The following TRPM1 variants were observed in gnomAD, a reference collection of about 807,000 sequenced individuals.
The protein encoded by TRPM1 is transient receptor potential cation channel subfamily M member 1.
Under a neutral mutation model 149.4 loss-of-function variants are expected in TRPM1, and 113 were observed. That is an observed-to-expected ratio of 0.76 (90% CI 0.65 to 0.88). The LOEUF is 0.88. Ranked by LOEUF, TRPM1 falls within the 40% of genes least tolerant of loss-of-function variation. The probability of loss-of-function intolerance (pLI) is 0.00; values close to 1 mark genes in which losing one functional copy is unlikely to be tolerated. For synonymous variants in TRPM1, 741 were observed against 759.5 expected, an observed-to-expected ratio of 0.98 and a Z score of 0.40; for missense variants, 1,976 against 2,038.7, an observed-to-expected ratio of 0.97 and a Z score of 0.59.
Position 31,040,608 on chromosome 15 carries a change from C to T in TRPM1, c.2088-262G>A, listed in dbSNP as rs2033583311. ...CTGTAGGTTGAGACCACATCTGCCCCTCAGACCCCAGGGACATAGAGACGA... is the reference window on the plus strand; with the variant it reads ...CTGTAGGTTGAGACCACATCTGCCCTTCAGACCCCAGGGACATAGAGACGA... On this transcript the variant is annotated intron_variant, in intron 17 of 27. Transcript: ENST00000256552. This position sits in a 1 kb window ranked among gnomAD's most constrained non-coding sequence, Gnocchi z 4.2. Among the ~76,000 whole-genome samples the T allele has an allele frequency of 6.6e-6, 1 of 152,212 alleles. No individual in the cohort carries two copies.
rs1382970214 is a variant in TRPM1, at chr15:31,113,355, C to T, written c.55-36371G>A. Among the ~76,000 whole-genome samples, 6 of 152,096 alleles carry T rather than the reference C, an allele frequency of 3.9e-5. No homozygotes were observed. The East Asian group carries it at 1.2e-3, about 29-fold the overall frequency. On this transcript the variant is annotated intron_variant, in intron 1 of 26. Coordinates refer to the TRPM1 transcript ENST00000542188. ...GGAAAGACTTGGAAAGAGCCAGGGC[C>T]ACCATGGACTGTCACAACCAACGGG...
intron 27 of TRPM1, among the ~76,000 whole-genome samples, chr15:31,005,998 G>A (rs2031974236): frequency 6.6e-6 from 1 of 152,186 alleles, no homozygotes; most frequent in Admixed American, 6.5e-5. Flanking sequence ...AGTGAGATAT[G>A]ATTAATCAGC....
intron 1 of TRPM1, among the ~76,000 whole-genome samples, chr15:31,132,961 G>A (rs2036037000): frequency 6.6e-6 from 1 of 152,186 alleles, no homozygotes; most frequent in Admixed American, 6.5e-5. Flanking sequence ...TCCATTAAAT[G>A]TCTTTCTTTT....
At chr15:31,139,744 T>A (rs1461546874) in intron 1 of TRPM1, among the ~76,000 whole-genome samples, 1 of 152,236 alleles carries the variant, frequency 6.6e-6, no homozygotes, top group African/African-American at 2.4e-5. Context: ...GTGGCAACTG[T>A]CTATCACTTG....
chr15:31,158,334 G>A lies in TRPM1; in HGVS notation c.54+2572C>T, dbSNP rs192410650. On this transcript the variant is annotated intron_variant, in intron 1 of 26. Coordinates refer to the TRPM1 transcript ENST00000542188. ...TGCAAAGTAAAAGCAAGTTTATTAA[G>A]AGAGTAAAGTAGGCTGGGCTCGGTG... 5.3e-5 allele frequency among the ~76,000 whole-genome samples: 8 copies of A among 152,036 alleles called. No individual in the cohort carries two copies. The South Asian group carries it at 1.7e-3, about 32-fold the overall frequency.
At position 31,037,703 on chromosome 15, in the gene TRPM1, G is replaced by A; in HGVS notation, c.2571+8C>T. ...ACTGAATGTCAAATGTTCAGGAGGA[G>A]GCCTCACTGTGTAAAACCAGAACTT... On this transcript the variant is annotated splice_region_variant and intron_variant, in intron 20 of 27. Transcript: ENST00000256552. The A allele has an allele frequency of 5.6e-6, 9 of 1,614,172 alleles. No homozygotes were observed. Among genetic ancestry groups the A allele is most frequent in the Non-Finnish European group, 7.6e-6 (9 of 1,180,038 alleles).
intron 27 of TRPM1, among the ~76,000 whole-genome samples, chr15:31,017,451 T>C (rs1364354853): frequency 6.6e-6 from 1 of 152,218 alleles, no homozygotes; most frequent in African/African-American, 2.4e-5. Context: ...AGTGTTCCCT[T>C]TGAGATGTGC....
chr15:31,063,367 A>G (rs1013327244), intron 7 of TRPM1, 75 bp from the exon 8 acceptor site: 22 of 1,581,586 alleles, frequency 1.4e-5, no homozygotes, highest in Non-Finnish European at 1.9e-5. Context: ...CTCCTGAAGT[A>G]TGGGGAAGAG....
intron 13 of TRPM1, among the ~76,000 whole-genome samples, chr15:31,048,202 G>A (rs1289305840): frequency 6.6e-6 from 1 of 152,152 alleles, no homozygotes; most frequent in Non-Finnish European, 1.5e-5. Context: ...GGCAGCTGCA[G>A]TGAGCTAAGA....
intron 1 of TRPM1, among the ~76,000 whole-genome samples, chr15:31,100,477 A>G (rs1219798302): frequency 6.6e-6 from 1 of 152,188 alleles, no homozygotes; most frequent in East Asian, 1.9e-4. Context: ...AAAAAATCAC[A>G]TGTACCCCCA....
At position 31,003,045 on chromosome 15, in the gene TRPM1, C is replaced by A; in HGVS notation, c.3655G>T (p.Glu1219Ter). Residue 1219 changes from glutamate (E) to a stop codon, truncating the protein, a stop_gained, in exon 28 of 28, where the codon GAA becomes TAA. Transcript: ENST00000256552. LOFTEE classifies it low-confidence loss of function (END_TRUNC). ...AAAGTTTCTCTTTCATTGATTTCTT[C>A]CAACCTCATTGACATATTTTCAACT... ...ERVENMSMRL[E>*]EINERETFMK... The A allele has an allele frequency of 1.2e-6, 2 of 1,604,862 alleles. No homozygotes were observed. The highest frequency in any genetic ancestry group is 1.7e-4 in the Middle Eastern group (1 of 5,758).
chr15:31,146,913 A>G (rs959637628), intron 1 of TRPM1, among the ~76,000 whole-genome samples: 1 of 152,032 alleles, frequency 6.6e-6, no homozygotes, highest in African/African-American at 2.4e-5. Context: ...GCTTGAACCC[A>G]GGAGGCAGAG....
intron 1 of TRPM1, among the ~76,000 whole-genome samples, chr15:31,089,345 C>G (rs555535791): frequency 6.6e-6 from 1 of 152,292 alleles, no homozygotes; most frequent in African/African-American, 2.4e-5. Context: ...CCACTTGGTT[C>G]AAAATCCGGG....
intron 1 of TRPM1, among the ~76,000 whole-genome samples, chr15:31,127,953 G>A (rs556799420): frequency 2.9e-4 from 44 of 152,320 alleles, no homozygotes; most frequent in Non-Finnish European, 2.5e-4. Flanking sequence ...AGAAAGCGCT[G>A]GCATTCTTTC....
At position 31,071,980 on chromosome 15, in the gene TRPM1, C is replaced by CAT. The variant is rs71471861; in HGVS notation, c.84-1756_84-1755dup. On this transcript the variant is annotated intron_variant, in intron 3 of 27. Transcript: ENST00000256552. ...CTCCGTCTCAAAAAAAAAAAAAAAA[C>CAT]ATATATATATATATATATATATATA... is the stretch of plus-strand genomic sequence containing the variant. 1.5e-3 allele frequency among the ~76,000 whole-genome samples: 112 copies of CAT among 77,218 alleles called. 2 individuals are homozygous for CAT. Among genetic ancestry groups the CAT allele is most frequent in the Non-Finnish European group, 1.9e-3 (86 of 45,140 alleles). 50.7% of individuals were successfully genotyped at this position (77,218 alleles called of 152,430 possible).
At chr15:31,144,712 A>ATTTT (rs34583108) in intron 1 of TRPM1, among the ~76,000 whole-genome samples, 5 of 108,216 alleles carry the variant, frequency 4.6e-5, no homozygotes, top group African/African-American at 9.7e-5. Flanking sequence ...TGTTTTTGAG[A>ATTTT]TTTTTTTTTT....
At chr15:31,074,012 C>A (rs1032827607) in intron 3 of TRPM1, among the ~76,000 whole-genome samples, 4 of 151,960 alleles carry the variant, frequency 2.6e-5, no homozygotes, top group Non-Finnish European at 1.5e-5. Context: ...ATTTATTTTT[C>A]TAATGTAAAC....
chr15:31,138,119 C>T (rs1292618922), intron 1 of TRPM1, among the ~76,000 whole-genome samples: 1 of 152,174 alleles, frequency 6.6e-6, no homozygotes, highest in Non-Finnish European at 1.5e-5. Context: ...AGAGCCTCAG[C>T]TCCATGGCAA....
chr15:31,042,239 T>C lies in TRPM1; in HGVS notation c.1799A>G (p.Asp600Gly). The change falls in exon 17 of 28, where the codon GAT becomes GGT. Residue 600 changes from aspartate (D) to glycine (G), a missense_variant. This residue lies in a region of TRPM1 where 1,332 missense variants were observed against 1,347.1 expected (regional missense o/e 0.99). Coordinates refer to ENST00000256552, the MANE Select transcript of TRPM1 (RefSeq NM_001252024.2). ...TTTCTTCCCTTTAGCTGGAGGCTCA[T>C]CATCCTGAGGGGAGAAACATGGATT... The part of the protein sequence containing the change: ...KALKLLGMED[D>G]EPPAKGKKKK... The C allele has an allele frequency of 6.4e-7, 1 of 1,572,550 alleles. No homozygotes were observed. Among genetic ancestry groups the C allele is most frequent in the Non-Finnish European group, 8.6e-7 (1 of 1,158,846 alleles).
Sources: gnomAD v4.1 joint callset for allele counts (sites outside exome capture counted in the v4.1 genomes callset) on GRCh38, gnomAD v4.1.1 for gene constraint, gnomAD v4.1.1 regional missense constraint, Gnocchi (gnomAD v3.1) non-coding constraint, MANE v1.5 for transcripts, NCBI Gene and HGNC (gene_info 2026-07-23, HGNC 2026-07-21) for gene names.